CDH19: variants seen among roughly 807,000 people sequenced by gnomAD.
CDH19 encodes the protein cadherin 19.
A neutral mutation model predicts 64.2 loss-of-function variants in CDH19; 67 were observed. That is an observed-to-expected ratio of 1.04 (90% CI 0.86 to 1.28). The LOEUF (loss-of-function observed/expected upper bound fraction) is 1.28, where lower values mean the gene tolerates loss of function less well. Among genes scored for constraint, CDH19 ranks in the 50% most tolerant of loss-of-function variants. CDH19 has a pLI of 0.00. For missense variants in CDH19, 1,030 were observed against 929.0 expected, an observed-to-expected ratio of 1.11 and a Z score of -1.41; for synonymous variants, 346 against 319.3, an observed-to-expected ratio of 1.08 and a Z score of -0.89.
At chr18:66,557,870 T>G (rs1479637073) in intron 3 of CDH19, among the ~76,000 whole-genome samples, 3 of 151,670 alleles carry the variant, frequency 2.0e-5, no homozygotes, top group African/African-American at 7.3e-5. Context: ...ACTGAAAAGG[T>G]TCCCTGATGT....
rs113004730 is a variant in CDH19 at position 66,577,509 on chromosome 18, A to G, written c.-112-5193T>C. On this transcript the variant is annotated intron_variant, in intron 1 of 11. Coordinates refer to ENST00000262150, the MANE Select transcript of CDH19 (RefSeq NM_021153.4). ...AGTCTTTGTGCTAAAACACCTGAGT[A>G]TTCACTTGAGAAAAAGATACTTTCA... 1.3e-3 allele frequency among the ~76,000 whole-genome samples: 201 copies of G among 152,152 alleles called. 1 individual carries two copies. The highest frequency in any genetic ancestry group is 3.7e-3 in the African/African-American group (152 of 41,564).
At chr18:66,597,799 C>T (rs943376922) in intron 1 of CDH19, among the ~76,000 whole-genome samples, 1 of 152,054 alleles carries the variant, frequency 6.6e-6, no homozygotes, top group Non-Finnish European at 1.5e-5. Flanking sequence ...ACAGAGGCTT[C>T]TCAAAAGAAG....
At chr18:66,543,854 G>T in intron 7 of CDH19, 117 bp downstream of exon 7, 1 of 747,858 alleles carries the variant, frequency 1.3e-6, no homozygotes, top group Non-Finnish European at 2.1e-6. Flanking sequence ...CTGTACTCGA[G>T]CCTAGAAGAC....
intron 8 of CDH19, among the ~76,000 whole-genome samples, chr18:66,530,962 G>A (rs1208605749): frequency 1.3e-5 from 2 of 152,048 alleles, no homozygotes; most frequent in African/African-American, 2.4e-5. Flanking sequence ...GAGACACGCC[G>A]CGTTATCATA....
intron 11 of CDH19, among the ~76,000 whole-genome samples, chr18:66,506,032 C>G (rs1471599738): frequency 1.3e-5 from 2 of 151,932 alleles, no homozygotes; most frequent in Non-Finnish European, 2.9e-5. Flanking sequence ...ATAGATGAAC[C>G]TGCTGGACAT....
Position 66,505,260 on chromosome 18 carries a change from T to G in CDH19, c.1871A>C (p.Gln624Pro). ...LTLGLKQRRK[Q>P]ILFPEKSEDF... is the part of the protein sequence containing the mutation. ...TTCACTTTTCTCAGGAAATAGAATC[T>G]GTTTTCTCCGTTGTTTTAAACCCAA... Residue 624 changes from glutamine (Q) to proline (P), a missense_variant, in exon 12 of 12, where the codon CAG becomes CCG. Transcript: ENST00000262150. 1 of 1,587,364 alleles carries G rather than the reference T, an allele frequency of 6.3e-7. No individual in the cohort carries two copies. The highest frequency in any genetic ancestry group is 8.5e-7 in the Non-Finnish European group (1 of 1,171,722).
At chr18:66,508,210 AAGTAGAG>A (rs923422016) in intron 11 of CDH19, among the ~76,000 whole-genome samples, 2 of 151,972 alleles carry the variant, frequency 1.3e-5, no homozygotes, top group African/African-American at 4.8e-5. Flanking sequence ...TAACTCACAT[AAGTAGAG>A]AGTAGAATGG....
chr18:66,561,388 C>T (rs1268881690), intron 3 of CDH19, among the ~76,000 whole-genome samples: 3 of 151,962 alleles, frequency 2.0e-5, no homozygotes, highest in Non-Finnish European at 4.4e-5. Flanking sequence ...AAGTGGCCAC[C>T]AGGATAGCAC....
rs982304078 is a variant in CDH19 at position 66,589,107 on chromosome 18, T to C, written c.-113+14847A>G. Among the ~76,000 whole-genome samples the C allele has an allele frequency of 6.6e-5, 10 of 151,950 alleles. No homozygotes were observed. In the South Asian group the frequency reaches 2.1e-3, roughly 31 times the overall value. On this transcript the variant is annotated intron_variant, in intron 1 of 11. Coordinates refer to ENST00000262150, the MANE Select transcript of CDH19 (RefSeq NM_021153.4). ...ATTACCATACATGTAGAGTGGGAAA[T>C]TCCATAGTCATAAAATTATGCAAAG...
At chr18:66,534,950 G>A (rs1273129431) in intron 8 of CDH19, 36 bp downstream of exon 8, 13 of 1,376,370 alleles carry the variant, frequency 9.4e-6, no homozygotes, top group South Asian at 1.9e-5. Flanking sequence ...ACAAAATATG[G>A]CAAACAACTG....
At chr18:66,595,683 C>G (rs1364543808) in intron 1 of CDH19, among the ~76,000 whole-genome samples, 1 of 151,720 alleles carries the variant, frequency 6.6e-6, no homozygotes, top group Non-Finnish European at 1.5e-5. Context: ...AAAACCTACC[C>G]AAAAGGAAAA....
At chr18:66,527,022 A>T (rs1986246721) in intron 9 of CDH19, among the ~76,000 whole-genome samples, 1 of 143,532 alleles carries the variant, frequency 7.0e-6, no homozygotes, top group African/African-American at 2.6e-5. Context: ...TTTATTACTG[A>T]ATATATAAAT....
At chr18:66,533,611 A>C (rs1217948435) in intron 8 of CDH19, among the ~76,000 whole-genome samples, 2 of 125,596 alleles carry the variant, frequency 1.6e-5, no homozygotes, top group African/African-American at 6.8e-5. Flanking sequence ...AAAACTTCAC[A>C]GCTTCACCTT....
At chr18:66,530,035 AATTAC>A in intron 8 of CDH19, 69 bp from the exon 9 acceptor site, 1 of 771,534 alleles carries the variant, frequency 1.3e-6, no homozygotes, top group Non-Finnish European at 1.9e-6. Flanking sequence ...ACATCATTAA[AATTAC>A]ATTAGAGGCT....
At chr18:66,581,887 A>G (rs760754017) in intron 1 of CDH19, among the ~76,000 whole-genome samples, 2 of 152,086 alleles carry the variant, frequency 1.3e-5, no homozygotes, top group Non-Finnish European at 2.9e-5. Flanking sequence ...GCACCTCTAA[A>G]GAACCCTAAT....
At chr18:66,515,410 C>G (rs932190290) in intron 9 of CDH19, among the ~76,000 whole-genome samples, 3 of 151,730 alleles carry the variant, frequency 2.0e-5, no homozygotes, top group Non-Finnish European at 3.0e-5. Flanking sequence ...TCTGTTCAAA[C>G]AGGCAGAGTA....
intron 11 of CDH19, among the ~76,000 whole-genome samples, chr18:66,506,447 C>A (rs942786493): frequency 1.3e-5 from 2 of 151,740 alleles, no homozygotes; most frequent in African/African-American, 4.8e-5. Flanking sequence ...CAATTTGTAT[C>A]AATTATAAAT....
intron 2 of CDH19, among the ~76,000 whole-genome samples, chr18:66,569,775 C>A (rs1334285520): frequency 6.6e-6 from 1 of 151,556 alleles, no homozygotes; most frequent in Non-Finnish European, 1.5e-5. Flanking sequence ...TCTTGATTCA[C>A]CATTTATGAA....
At chr18:66,581,667 T>C (rs1793428200) in intron 1 of CDH19, among the ~76,000 whole-genome samples, 1 of 151,962 alleles carries the variant, frequency 6.6e-6, no homozygotes, top group Admixed American at 6.6e-5. Context: ...GGACTCAAAG[T>C]GGTTTGCTGG....
Sources: allele counts gnomAD v4.1 joint callset (sites outside exome capture counted in the v4.1 genomes callset), GRCh38; gene constraint gnomAD v4.1.1; transcripts MANE v1.5; gene names NCBI Gene and HGNC (gene_info 2026-07-23, HGNC 2026-07-21).